The following CUL2 variants were observed in gnomAD, a reference collection of about 807,000 sequenced individuals.
CUL2 encodes cullin 2.
In CUL2, 22 loss-of-function variants were observed where a neutral mutation model predicts 110.2. That is an observed-to-expected ratio of 0.20 (90% CI 0.14 to 0.28). CUL2 has a LOEUF of 0.28. CUL2 is among the 10% of genes least tolerant of loss of function. The pLI, the probability that CUL2 is intolerant of heterozygous loss-of-function variation, is 1.00. For synonymous variants in CUL2, 279 were observed against 293.2 expected (o/e 0.95, Z 0.49); for missense variants, 631 against 905.5 (o/e 0.70, Z 3.89).
chr10:35,105,383 G>C (rs1018265315), intron 1 of CUL2, among the ~76,000 whole-genome samples: 1 of 150,874 alleles, frequency 6.6e-6, no homozygotes, highest in Admixed American at 6.6e-5. Context: ...CCGAGATGGC[G>C]CCACTGCACT....
At chr10:35,046,382 C>T (rs1431960953) in intron 6 of CUL2, among the ~76,000 whole-genome samples, 1 of 152,196 alleles carries the variant, frequency 6.6e-6, no homozygotes, top group East Asian at 1.9e-4. Flanking sequence ...TAAGTATACA[C>T]ACCCTATGAC....
intron 20 of CUL2, 139 bp from the exon 21 acceptor site, chr10:35,010,581 A>G (rs2084874788): frequency 1.5e-6 from 1 of 671,662 alleles, no homozygotes; most frequent in African/African-American, 1.9e-5. Flanking sequence ...AATAGGAACT[A>G]CAATGTGGAA....
intron 1 of CUL2, among the ~76,000 whole-genome samples, chr10:35,109,143 T>C (rs1190945520): frequency 6.6e-6 from 1 of 152,100 alleles, no homozygotes; most frequent in Non-Finnish European, 1.5e-5. Context: ...AGCCTGGAGG[T>C]TGAGGCTCCA....
At chr10:35,010,573 T>C in intron 20 of CUL2, 131 bp from the exon 21 acceptor site, 1 of 741,960 alleles carries the variant, frequency 1.3e-6, no homozygotes, top group Non-Finnish European at 2.0e-6. Context: ...AGTATGAAAA[T>C]AGGAACTACA....
intron 17 of CUL2, 47 bp from the exon 18 acceptor site, chr10:35,016,441 C>A: frequency 7.2e-7 from 1 of 1,380,204 alleles, no homozygotes. Flanking sequence ...TTCAAAGAAA[C>A]ATTTCAAATT....
chr10:35,093,645 G>A (rs2087247336), upstream of CUL2, among the ~76,000 whole-genome samples: 1 of 106,098 alleles, frequency 9.4e-6, no homozygotes, highest in African/African-American at 3.7e-5. Flanking sequence ...GGGCAATAAA[G>A]GCAGACCTTC....
intron 10 of CUL2, among the ~76,000 whole-genome samples, chr10:35,033,999 T>C (rs1441000714): frequency 1.3e-5 from 2 of 152,122 alleles, no homozygotes; most frequent in Admixed American, 6.5e-5. Context: ...AAAAAGCCAA[T>C]AATCCTGAGA....
At chr10:35,108,766 C>T (rs1050850843) in intron 1 of CUL2, among the ~76,000 whole-genome samples, 2 of 152,158 alleles carry the variant, frequency 1.3e-5, no homozygotes, top group African/African-American at 4.8e-5. Flanking sequence ...GTTGGGGGAT[C>T]CTGCTACCAA....
chr10:35,067,207 T>C (rs898692566), intron 2 of CUL2, among the ~76,000 whole-genome samples: 1 of 150,590 alleles, frequency 6.6e-6, no homozygotes, highest in Non-Finnish European at 1.5e-5. Flanking sequence ...GAGGATGAAC[T>C]CATATTCCTA....
At chr10:35,022,847 C>T (rs1446991607) in intron 17 of CUL2, among the ~76,000 whole-genome samples, 1 of 152,110 alleles carries the variant, frequency 6.6e-6, no homozygotes, top group African/African-American at 2.4e-5. Flanking sequence ...GCGTTCGAGA[C>T]CAGCCTGGCC....
At chr10:35,069,969 C>T (rs747825622) in intron 2 of CUL2, among the ~76,000 whole-genome samples, 2 of 152,134 alleles carry the variant, frequency 1.3e-5, no homozygotes, top group African/African-American at 4.8e-5. Flanking sequence ...AATTCAAAGG[C>T]AGAATCTATA....
chr10:35,121,471 G>C (rs757149198), intron 1 of CUL2, among the ~76,000 whole-genome samples: 7 of 152,124 alleles, frequency 4.6e-5, no homozygotes, highest in Non-Finnish European at 7.3e-5. Context: ...AAACCTTTAT[G>C]TTATTAGCTA....
At chr10:35,039,188 T>C (rs2085713055) in intron 8 of CUL2, 106 bp from the exon 9 acceptor site, 3 of 611,608 alleles carry the variant, frequency 4.9e-6, no homozygotes, top group Admixed American at 3.6e-5. Flanking sequence ...GAATTAAACA[T>C]GGCAAAGGTA....
At chr10:35,062,029 T>C (rs1266143118) in intron 3 of CUL2, among the ~76,000 whole-genome samples, 1 of 152,182 alleles carries the variant, frequency 6.6e-6, no homozygotes, top group Non-Finnish European at 1.5e-5. Context: ...CATAAGGTAG[T>C]TGTTAAGTGA....
intron 4 of CUL2, among the ~76,000 whole-genome samples, chr10:35,055,395 C>T (rs968788312): frequency 6.6e-6 from 1 of 152,140 alleles, no homozygotes; most frequent in Non-Finnish European, 1.5e-5. Context: ...AAATTAAAAA[C>T]GAAGACAACC....
chr10:35,047,973 T>C (rs948927020), intron 6 of CUL2, among the ~76,000 whole-genome samples: 6 of 151,886 alleles, frequency 4.0e-5, no homozygotes, highest in African/African-American at 1.5e-4. Flanking sequence ...TGTGAATCCC[T>C]AGAATTATTA....
At chr10:35,086,977 T>C (rs1237654591) in intron 1 of CUL2, among the ~76,000 whole-genome samples, 2 of 152,214 alleles carry the variant, frequency 1.3e-5, no homozygotes, top group Non-Finnish European at 2.9e-5. Context: ...CAGCTAACAA[T>C]GTTTGGCTCC....
In CUL2 at chr10:35,117,916, C is replaced by A. The variant is rs574533244; in HGVS notation, c.-51+8689G>T. 3.3e-5 allele frequency among the ~76,000 whole-genome samples: 5 copies of A among 152,228 alleles called. No individual in the cohort carries two copies. The East Asian group carries it at 9.6e-4, about 29-fold the overall frequency. On this transcript the variant is annotated intron_variant, in intron 1 of 5. Transcript: ENST00000685421. ...ATTTTTTTCAGAACAATTTTAGGTG[C>A]ACAGCAAAAACGAGCAGAAAGTACA...
chr10:35,034,955 G>A (rs1171496813), intron 10 of CUL2, among the ~76,000 whole-genome samples: 1 of 152,202 alleles, frequency 6.6e-6, no homozygotes, highest in Non-Finnish European at 1.5e-5. Flanking sequence ...GACACCCTCC[G>A]TATGGCTAAG....
Sources: allele counts gnomAD v4.1 joint callset (sites outside exome capture counted in the v4.1 genomes callset), GRCh38; gene constraint gnomAD v4.1.1; transcripts MANE v1.5; gene names NCBI Gene and HGNC (gene_info 2026-07-23, HGNC 2026-07-21).